Variants in LINGO2 observed in about 807,000 individuals in gnomAD.
LINGO2 encodes leucine-rich repeat and immunoglobulin-like domain-containing nogo receptor-interacting protein 2.
A neutral mutation model predicts 30.6 loss-of-function variants in LINGO2; 14 were observed. That is an observed-to-expected ratio of 0.46 (90% CI 0.30 to 0.72). LINGO2 has a LOEUF of 0.72. LINGO2 is among the 30% of genes least tolerant of loss of function. LINGO2 has a pLI of 0.07. For missense variants in LINGO2, 729 were observed against 751.7 expected, an observed-to-expected ratio of 0.97 and a Z score of 0.35; for synonymous variants, 317 against 288.5, an observed-to-expected ratio of 1.10 and a Z score of -1.00.
At chr9:28,030,681 T>A (rs1184792611) in intron 4 of LINGO2, among the ~76,000 whole-genome samples, 1 of 152,218 alleles carries the variant, frequency 6.6e-6, no homozygotes, top group Non-Finnish European at 1.5e-5. Context: ...GTGACTGAGT[T>A]ACTCATATTC....
intron 1 of LINGO2, among the ~76,000 whole-genome samples, chr9:28,651,602 C>A (rs989479506): frequency 6.6e-6 from 1 of 152,066 alleles, no homozygotes; most frequent in African/African-American, 2.4e-5. Context: ...CTCTATTTGG[C>A]ATACATAGTT....
At chr9:29,054,672 A>C in the LINGO2 span, among the ~76,000 whole-genome samples, 4 of 151,946 alleles carry the variant, frequency 2.6e-5, no homozygotes, top group Non-Finnish European at 5.9e-5. Flanking sequence ...GGAATAAAAA[A>C]CTCTTGTCCT....
At chr9:29,045,180 C>T in the LINGO2 span, among the ~76,000 whole-genome samples, 8 of 151,958 alleles carry the variant, frequency 5.3e-5, no homozygotes, top group Non-Finnish European at 1.2e-4. Context: ...GATGAAGTAA[C>T]ATGGTAAGTG....
intron 4 of LINGO2, among the ~76,000 whole-genome samples, chr9:28,164,563 T>C (rs565158826): frequency 1.3e-5 from 2 of 152,234 alleles, no homozygotes; most frequent in Admixed American, 6.5e-5. Flanking sequence ...TGGTCAAAGA[T>C]GAAAAATAAT....
chr9:28,884,995 A>T, the LINGO2 span, among the ~76,000 whole-genome samples: 113 of 5,556 alleles, frequency 0.02, 9 homozygotes, highest in East Asian at 0.029. Context: ...ATAATAATAT[A>T]TTATATATAT....
At chr9:29,179,089 G>A in the LINGO2 span, among the ~76,000 whole-genome samples, 1 of 149,136 alleles carries the variant, frequency 6.7e-6, no homozygotes, top group South Asian at 2.1e-4. Flanking sequence ...AGGGCCAAGA[G>A]ACCTTGTTAA....
At chr9:28,757,188 G>A in the LINGO2 span, among the ~76,000 whole-genome samples, 2 of 151,942 alleles carry the variant, frequency 1.3e-5, no homozygotes, top group African/African-American at 2.4e-5. Flanking sequence ...CTTAAATCAT[G>A]GTTCCTTCTT....
At chr9:29,078,498 T>C in the LINGO2 span, among the ~76,000 whole-genome samples, 1 of 151,956 alleles carries the variant, frequency 6.6e-6, no homozygotes, top group Non-Finnish European at 1.5e-5. Flanking sequence ...TTGACTTGAA[T>C]AAACCTTGAA....
chr9:28,919,739 A>T, the LINGO2 span, among the ~76,000 whole-genome samples: 4 of 49,842 alleles, frequency 8.0e-5, no homozygotes, highest in Non-Finnish European at 1.5e-4. Flanking sequence ...TTTTCTTTAT[A>T]AAACTGGTAT....
At chr9:28,267,257 T>C (rs1027988514) in intron 4 of LINGO2, among the ~76,000 whole-genome samples, 1 of 151,968 alleles carries the variant, frequency 6.6e-6, no homozygotes, top group African/African-American at 2.4e-5. Flanking sequence ...TCCATTACAA[T>C]ACCACCATTT....
chr9:28,079,204 T>C (rs1237289223), intron 4 of LINGO2, among the ~76,000 whole-genome samples: 2 of 135,222 alleles, frequency 1.5e-5, no homozygotes, highest in Admixed American at 7.0e-5. Flanking sequence ...AAATTTAATA[T>C]AGATAACTGG....
At chr9:28,189,292 GAA>G (rs1216903263) in intron 4 of LINGO2, among the ~76,000 whole-genome samples, 8 of 41,648 alleles carry the variant, frequency 1.9e-4, no homozygotes, top group South Asian at 7.4e-4. Flanking sequence ...AGGGAGGGAG[GAA>G]GGAAGGAAGG....
the LINGO2 span, among the ~76,000 whole-genome samples, chr9:29,143,467 A>C: frequency 6.6e-6 from 1 of 152,164 alleles, no homozygotes; most frequent in African/African-American, 2.4e-5. Context: ...TCAGATACAT[A>C]GACAAGTGGG....
intron 1 of LINGO2, among the ~76,000 whole-genome samples, chr9:28,622,816 A>C (rs912591468): frequency 3.3e-5 from 5 of 151,928 alleles, no homozygotes; most frequent in African/African-American, 1.2e-4. Flanking sequence ...CCAGTATACA[A>C]ATGTTTCCTT....
chr9:28,249,715 AT>A (rs761239271), intron 4 of LINGO2, among the ~76,000 whole-genome samples: 45 of 152,276 alleles, frequency 3.0e-4, no homozygotes, highest in Non-Finnish European at 6.6e-4. Flanking sequence ...ATGAATAATT[AT>A]TTTTACTTAC....
the LINGO2 span, among the ~76,000 whole-genome samples, chr9:29,126,236 C>T: frequency 9.9e-5 from 15 of 151,344 alleles, no homozygotes; most frequent in Non-Finnish European, 2.9e-5. Context: ...ATTGAGTAGC[C>T]AGAACAATGT....
At chr9:28,682,273 G>C in the LINGO2 span, among the ~76,000 whole-genome samples, 6 of 152,276 alleles carry the variant, frequency 3.9e-5, no homozygotes, top group East Asian at 3.9e-4. Flanking sequence ...ATGGAAAAAA[G>C]CTCATGGAAC....
intron 1 of LINGO2, among the ~76,000 whole-genome samples, chr9:28,491,553 T>C (rs916198141): frequency 6.6e-6 from 1 of 152,228 alleles, no homozygotes; most frequent in Non-Finnish European, 1.5e-5. Flanking sequence ...TTCTTTTTAT[T>C]ATCCTCTTCT....
chr9:28,691,237 T>C, the LINGO2 span, among the ~76,000 whole-genome samples: 1 of 152,186 alleles, frequency 6.6e-6, no homozygotes, highest in Non-Finnish European at 1.5e-5. Flanking sequence ...TTTGCCAAAG[T>C]TTAAACTGTA....
Sources: allele counts gnomAD v4.1 joint callset (sites outside exome capture counted in the v4.1 genomes callset), GRCh38; gene constraint gnomAD v4.1.1; transcripts MANE v1.5; gene names NCBI Gene and HGNC (gene_info 2026-07-23, HGNC 2026-07-21).